The following PCDH15 variants were observed in gnomAD, a reference collection of about 807,000 sequenced individuals.
PCDH15 encodes the protein protocadherin related 15.
A neutral mutation model predicts 178.5 loss-of-function variants in PCDH15; 129 were observed. That is an observed-to-expected ratio of 0.72 (90% confidence interval 0.63 to 0.84). The LOEUF (loss-of-function observed/expected upper bound fraction) is 0.84, where lower values mean the gene tolerates loss of function less well. Ranked by LOEUF, PCDH15 falls within the 40% of genes least tolerant of loss-of-function variation. PCDH15 has a pLI of 0.00. For missense variants in PCDH15, 2,230 were observed against 2,099.9 expected, an observed-to-expected ratio of 1.06 and a Z score of -1.21; for synonymous variants, 800 against 732.0, an observed-to-expected ratio of 1.09 and a Z score of -1.50.
chr10:55,465,774 A>AT (rs1448613111), intron 2 of PCDH15, among the ~76,000 whole-genome samples: 1 of 152,134 alleles, frequency 6.6e-6, no homozygotes, highest in Non-Finnish European at 1.5e-5. Flanking sequence ...TCTGACATTG[A>AT]TTTTTTACCT....
At chr10:54,776,534 T>C (rs1949727013) in intron 1 of PCDH15, among the ~76,000 whole-genome samples, 1 of 152,194 alleles carries the variant, frequency 6.6e-6, no homozygotes, top group South Asian at 2.1e-4. Flanking sequence ...TTTCTGCCTG[T>C]ATTTTATAAA....
chr10:54,567,477 T>C (rs1291751954), intron 2 of PCDH15, among the ~76,000 whole-genome samples: 1 of 152,196 alleles, frequency 6.6e-6, no homozygotes, highest in Non-Finnish European at 1.5e-5. Flanking sequence ...AGTTAAATTA[T>C]ATCATTTCAC....
At chr10:55,163,772 T>C (rs1397263805) in intron 2 of PCDH15, among the ~76,000 whole-genome samples, 8 of 152,106 alleles carry the variant, frequency 5.3e-5, no homozygotes, top group African/African-American at 1.7e-4. Flanking sequence ...ATGGCAACAT[T>C]TGGAAGTTGC....
chr10:54,580,930 G>A (rs903764624), intron 2 of PCDH15, among the ~76,000 whole-genome samples: 3 of 151,942 alleles, frequency 2.0e-5, no homozygotes, highest in African/African-American at 4.8e-5. Context: ...CTTAAAAAAT[G>A]AGTCACCAAA....
chr10:54,023,626 A>C (rs948971913), intron 18 of PCDH15, among the ~76,000 whole-genome samples: 5 of 149,042 alleles, frequency 3.4e-5, no homozygotes, highest in Admixed American at 6.7e-5. Context: ...GTTTAGTAAT[A>C]ATGTTACACA....
At chr10:54,824,720 AC>A (rs1433860763) in intron 3 of PCDH15, among the ~76,000 whole-genome samples, 1 of 152,118 alleles carries the variant, frequency 6.6e-6, no homozygotes, top group African/African-American at 2.4e-5. Context: ...AAATGATAGA[AC>A]TTTATTTAAC....
intron 2 of PCDH15, among the ~76,000 whole-genome samples, chr10:55,073,329 T>A (rs1390309279): frequency 2.0e-5 from 3 of 152,212 alleles, no homozygotes; most frequent in African/African-American, 7.2e-5. Context: ...GCAGATGACA[T>A]GATTGTATAT....
At chr10:53,847,376 G>T (rs1041226420) in intron 28 of PCDH15, among the ~76,000 whole-genome samples, 2 of 151,926 alleles carry the variant, frequency 1.3e-5, no homozygotes, top group Non-Finnish European at 2.9e-5. Flanking sequence ...TAATCAATAG[G>T]CATTGCAGCT....
chr10:54,772,102 G>A (rs1001228841), intron 1 of PCDH15, among the ~76,000 whole-genome samples: 6 of 152,058 alleles, frequency 3.9e-5, no homozygotes, highest in Non-Finnish European at 8.8e-5. Flanking sequence ...TTTATAAGCT[G>A]TTGAGGAATA....
chr10:55,311,121 G>T (rs569145444), intron 1 of PCDH15, among the ~76,000 whole-genome samples: 3 of 152,268 alleles, frequency 2.0e-5, no homozygotes, highest in African/African-American at 7.2e-5. Flanking sequence ...TTCCAGAGAA[G>T]GTGGCTTTAG....
At chr10:54,591,790 T>C (rs1179102224) in intron 2 of PCDH15, among the ~76,000 whole-genome samples, 9 of 152,142 alleles carry the variant, frequency 5.9e-5, no homozygotes, top group Admixed American at 5.9e-4. Context: ...AATATTCTGA[T>C]CTCAAAAATA....
At chr10:53,960,215 A>AGCACC (rs2088152286) in intron 22 of PCDH15, among the ~76,000 whole-genome samples, 1 of 152,226 alleles carries the variant, frequency 6.6e-6, no homozygotes, top group South Asian at 2.1e-4. Flanking sequence ...ATGATTTTAT[A>AGCACC]GCACCAATAC....
rs1012062411 is a variant in PCDH15, at chr10:55,505,832, G to A, written c.-156+121793C>T. On this transcript the variant is annotated intron_variant, in intron 2 of 5. Transcript: ENST00000613346. Reference sequence around the variant, plus strand: ...CCCATATGATAAACATGTCTTAAGAGAATTCTGTCCTGTAGGAAGACTTCC... The same window carrying A: ...CCCATATGATAAACATGTCTTAAGAAAATTCTGTCCTGTAGGAAGACTTCC... Among the ~76,000 whole-genome samples, 5 of 151,404 alleles carry A rather than the reference G, an allele frequency of 3.3e-5. No homozygotes were observed. The Admixed American group carries it at 3.3e-4, about 10-fold the overall frequency.
At chr10:54,782,741 A>G (rs1950497293) in intron 1 of PCDH15, among the ~76,000 whole-genome samples, 1 of 151,986 alleles carries the variant, frequency 6.6e-6, no homozygotes. Flanking sequence ...TCCCCAACAC[A>G]TCCAGTGGTA....
At chr10:54,360,514 TG>T (rs1395046942) in intron 5 of PCDH15, among the ~76,000 whole-genome samples, 2 of 152,108 alleles carry the variant, frequency 1.3e-5, no homozygotes, top group Non-Finnish European at 2.9e-5. Context: ...CTAACTATTA[TG>T]CATGTAGTTG....
At chr10:55,291,969 A>G (rs149888377) in intron 1 of PCDH15, among the ~76,000 whole-genome samples, 158 of 152,300 alleles carry the variant, frequency 1.0e-3, no homozygotes, top group African/African-American at 3.7e-3. Context: ...ACATGACTCA[A>G]TTACCTCCAA....
chr10:54,117,451 C>G (rs764669706), intron 15 of PCDH15, among the ~76,000 whole-genome samples: 3 of 152,152 alleles, frequency 2.0e-5, no homozygotes, highest in Non-Finnish European at 4.4e-5. Flanking sequence ...AGGGCCACAG[C>G]TCTTCTCTCC....
At chr10:55,073,860 C>A (rs767213164) in intron 2 of PCDH15, among the ~76,000 whole-genome samples, 1 of 151,336 alleles carries the variant, frequency 6.6e-6, no homozygotes, top group Admixed American at 6.6e-5. Context: ...TGCTCTTGCT[C>A]CCCCCCATCT....
At chr10:55,420,124 C>T (rs1490317592) in intron 2 of PCDH15, among the ~76,000 whole-genome samples, 1 of 151,626 alleles carries the variant, frequency 6.6e-6, no homozygotes, top group African/African-American at 2.4e-5. Context: ...AAGACAAAAA[C>T]GTTAGCGTAT....
Sources: gnomAD v4.1 joint callset for allele counts (sites outside exome capture counted in the v4.1 genomes callset) on GRCh38, gnomAD v4.1.1 for gene constraint, MANE v1.5 for transcripts, NCBI Gene and HGNC (gene_info 2026-07-23, HGNC 2026-07-21) for gene names.